AGAP1: variants seen among roughly 807,000 people sequenced by gnomAD.
AGAP1 encodes the protein ArfGAP with GTPase domain, ankyrin repeat and PH domain 1.
AGAP1 carries 29 observed loss-of-function variants against 105.3 expected under a neutral mutation model. The ratio of observed to expected loss-of-function variants is 0.28; its 90% CI spans 0.21 to 0.38. The LOEUF (loss-of-function observed/expected upper bound fraction) is 0.38, where lower values mean the gene tolerates loss of function less well. Ranked by LOEUF, AGAP1 falls within the 10% of genes least tolerant of loss-of-function variation. The pLI, the probability that AGAP1 is intolerant of heterozygous loss-of-function variation, is 1.00. For synonymous variants in AGAP1, 509 were observed against 485.9 expected, an observed-to-expected ratio of 1.05 and a Z score of -0.63; for missense variants, 998 against 1,165.1, an observed-to-expected ratio of 0.86 and a Z score of 2.09.
In AGAP1 at chr2:235,578,531, C is replaced by G. The variant is rs777524179; in HGVS notation, c.163+83682C>G. 1.6e-4 allele frequency among the ~76,000 whole-genome samples: 24 copies of G among 152,124 alleles called. No individual in the cohort carries two copies. The highest frequency in any genetic ancestry group is 2.8e-4 in the Non-Finnish European group (19 of 68,032). Reference sequence around the variant, plus strand: ...ACTGGACGCAGTGGCTTATGCCACCCCAGCACTTTGGGAGGCTGAGGCAGG... The same window carrying G: ...ACTGGACGCAGTGGCTTATGCCACCGCAGCACTTTGGGAGGCTGAGGCAGG... On this transcript the variant is annotated intron_variant, in intron 1 of 17. Coordinates refer to ENST00000304032, the MANE Select transcript of AGAP1 (RefSeq NM_001037131.3). The surrounding 1 kb of genome is among the most constrained non-coding windows in gnomAD (Gnocchi z 4.9).
intron 12 of AGAP1, among the ~76,000 whole-genome samples, chr2:235,952,899 C>T (rs150348955): frequency 3.0e-4 from 46 of 152,248 alleles, no homozygotes; most frequent in African/African-American, 1.1e-3. Context: ...TCAAAGCTGC[C>T]CTATGGGCTG....
intron 1 of AGAP1, among the ~76,000 whole-genome samples, chr2:235,629,269 TGTGTGTGTGTGTGTGTG>T (rs1222148266): frequency 5.8e-3 from 13 of 2,226 alleles, no homozygotes; most frequent in African/African-American, 0.011. Context: ...TAGTAGTCAT[TGTGTGTGTGTGTGTGTG>T]TGTGTGTGTG....
At chr2:235,707,001 G>A (rs963179989) in intron 1 of AGAP1, among the ~76,000 whole-genome samples, 8 of 152,254 alleles carry the variant, frequency 5.3e-5, no homozygotes, top group South Asian at 4.1e-4. Context: ...TCAGGCCCAC[G>A]CTAGTGCGTT....
At position 235,555,451 on chromosome 2, in the gene AGAP1, T is replaced by G. The variant is rs1943943482; in HGVS notation, c.163+60602T>G. Among the ~76,000 whole-genome samples, 1 of 152,050 alleles carries G rather than the reference T, an allele frequency of 6.6e-6. No homozygotes were observed. The highest frequency in any genetic ancestry group is 2.4e-5 in the African/African-American group (1 of 41,414). ...GGGTGGAGCTCAGGGAATAGGCATG[T>G]GGGGCACACTCTCCAGGCACATCCA... On this transcript the variant is annotated intron_variant, in intron 1 of 17. Coordinates refer to ENST00000304032, the MANE Select transcript of AGAP1 (RefSeq NM_001037131.3). This position sits in a 1 kb window ranked among gnomAD's most constrained non-coding sequence, Gnocchi z 5.1.
intron 6 of AGAP1, among the ~76,000 whole-genome samples, chr2:235,759,813 T>G (rs1270040009): frequency 1.3e-5 from 2 of 152,226 alleles, no homozygotes; most frequent in African/African-American, 4.8e-5. Context: ...CCAAAGAAGC[T>G]CTTTCTACAA....
chr2:235,922,854 A>G (rs1391551977), intron 11 of AGAP1, among the ~76,000 whole-genome samples: 1 of 152,246 alleles, frequency 6.6e-6, no homozygotes, highest in African/African-American at 2.4e-5. Flanking sequence ...AAAATAGCAT[A>G]TGGTGGAGGT....
chr2:235,982,674 G>A lies in AGAP1; in HGVS notation c.1645+14051G>A, dbSNP rs77208981. On this transcript the variant is annotated intron_variant, in intron 13 of 17. Coordinates refer to ENST00000304032, the MANE Select transcript of AGAP1 (RefSeq NM_001037131.3). The surrounding 1 kb of genome is among the most constrained non-coding windows in gnomAD (Gnocchi z 4.9). Reference sequence around the variant, plus strand: ...ACAGAAATACTTGCCCAGTCCGTTCGTGGAAGGAAAGAACCGAAGCCAGCC... The same window carrying A: ...ACAGAAATACTTGCCCAGTCCGTTCATGGAAGGAAAGAACCGAAGCCAGCC... Among the ~76,000 whole-genome samples the A allele has an allele frequency of 0.012, 1,842 of 152,326 alleles. 39 individuals are homozygous for A. The highest frequency in any genetic ancestry group is 0.042 in the African/African-American group (1,739 of 41,572).
At chr2:235,856,451 A>G (rs1275125448) in intron 9 of AGAP1, among the ~76,000 whole-genome samples, 2 of 152,264 alleles carry the variant, frequency 1.3e-5, no homozygotes, top group Non-Finnish European at 2.9e-5. Flanking sequence ...TGGGGCTGCC[A>G]TCAGGATCTG....
chr2:235,989,589 C>T lies in AGAP1; in HGVS notation c.1645+20966C>T, dbSNP rs552359511. 2.0e-5 allele frequency among the ~76,000 whole-genome samples: 3 copies of T among 152,222 alleles called. No homozygotes were observed. In the South Asian group the frequency reaches 6.2e-4, roughly 32 times the overall value. On this transcript the variant is annotated intron_variant, in intron 13 of 17. Transcript: ENST00000304032. The surrounding 1 kb of genome is among the most constrained non-coding windows in gnomAD (Gnocchi z 4.4). ...TGCAAGGAGGACATGAGGCCACATA[C>T]AAAGCTTAGGGCCACCCAGGAAGAT...
At chr2:235,558,934 T>C (rs530129326) in intron 1 of AGAP1, among the ~76,000 whole-genome samples, 11 of 152,318 alleles carry the variant, frequency 7.2e-5, no homozygotes, top group African/African-American at 2.6e-4. Flanking sequence ...TTGAAGATTT[T>C]TTTTTTTAGA....
intron 3 of AGAP1, among the ~76,000 whole-genome samples, chr2:235,731,217 G>A (rs1321186736): frequency 1.3e-5 from 2 of 152,248 alleles, no homozygotes; most frequent in East Asian, 1.9e-4. Flanking sequence ...GTGTAGTTGC[G>A]AAAAAGGAGC....
In AGAP1 at chr2:236,124,465, C is replaced by A; in HGVS notation, c.*343C>A. On this transcript the variant is annotated 3_prime_UTR_variant, in exon 18 of 18. Transcript: ENST00000304032. The surrounding 1 kb of genome is among the most constrained non-coding windows in gnomAD (Gnocchi z 5.1). ...ATGGGGACGCGAGGGGGAGGGGAGG[C>A]GAGGAACAAGGAGAAGGGGCAACTT... 2 of 313,162 alleles carry A rather than the reference C, an allele frequency of 6.4e-6. No homozygotes were observed. The highest frequency in any genetic ancestry group is 1.2e-5 in the Non-Finnish European group (2 of 166,344). The allele number at this position is 313,162 out of a possible 1,614,324, so 19.4% of individuals were successfully genotyped here.
chr2:235,643,431 CAAAAAAAAAAAAA>C (rs56146940), intron 1 of AGAP1, among the ~76,000 whole-genome samples: 109 of 61,424 alleles, frequency 1.8e-3, no homozygotes, highest in African/African-American at 5.1e-3. Context: ...GACTGGGTCT[CAAAAAAAAAAAAA>C]AAAAAAAAAA....
chr2:235,833,074 A>G (rs181306070), intron 9 of AGAP1, among the ~76,000 whole-genome samples: 1,967 of 152,322 alleles, frequency 0.013, 37 homozygotes, highest in South Asian at 0.082. Flanking sequence ...TGAGCCAGGG[A>G]GCATGGTAGA....
rs1018135651 is a variant in AGAP1 at position 235,549,302 on chromosome 2, C to T, written c.163+54453C>T. On this transcript the variant is annotated intron_variant, in intron 1 of 17. Coordinates refer to ENST00000304032, the MANE Select transcript of AGAP1 (RefSeq NM_001037131.3). The surrounding 1 kb of genome is among the most constrained non-coding windows in gnomAD (Gnocchi z 4.2). ...GACAGGGATGACTGGAGAGAGCTGG[C>T]GAGTGCAGCCTGCTGGGATGCCAGC... Among the ~76,000 whole-genome samples the T allele has an allele frequency of 1.1e-4, 16 of 152,276 alleles. No homozygotes were observed. Among genetic ancestry groups the T allele is most frequent in the East Asian group, 3.9e-4 (2 of 5,180 alleles).
At chr2:235,819,691 A>G (rs1361837852) in intron 9 of AGAP1, among the ~76,000 whole-genome samples, 1 of 151,354 alleles carries the variant, frequency 6.6e-6, no homozygotes, top group African/African-American at 2.4e-5. Context: ...CGATCTTGGG[A>G]TCTTGCTCTC....
intron 13 of AGAP1, among the ~76,000 whole-genome samples, chr2:236,029,375 A>G (rs948380875): frequency 1.5e-4 from 23 of 151,336 alleles, no homozygotes; most frequent in Non-Finnish European, 2.8e-4. Context: ...TCCCAGGTTC[A>G]AGTGATTCTC....
Position 235,747,524 on chromosome 2 carries a change from C to T in AGAP1, c.538+2685C>T, listed in dbSNP as rs996754201. On this transcript the variant is annotated intron_variant, in intron 5 of 17. Transcript: ENST00000304032. The surrounding 1 kb of genome is among the most constrained non-coding windows in gnomAD (Gnocchi z 5.0). ...CCCATGCCCTCCCTGCAGGACTCCT[C>T]TTAGCTGGGCCACCCCCAGATGAAC... Among the ~76,000 whole-genome samples the T allele has an allele frequency of 3.3e-5, 5 of 152,150 alleles. No homozygotes were observed. Among genetic ancestry groups the T allele is most frequent in the Non-Finnish European group, 7.3e-5 (5 of 68,042 alleles).
At chr2:235,854,005 C>G (rs769243647) in intron 9 of AGAP1, among the ~76,000 whole-genome samples, 25 of 151,818 alleles carry the variant, frequency 1.6e-4, no homozygotes, top group Non-Finnish European at 7.4e-5. Flanking sequence ...GTAAATATGT[C>G]CGTTCCAGGC....
Sources: allele counts gnomAD v4.1 joint callset (sites outside exome capture counted in the v4.1 genomes callset), GRCh38; gene constraint gnomAD v4.1.1; non-coding constraint Gnocchi (gnomAD v3.1); transcripts MANE v1.5; gene names NCBI Gene and HGNC (gene_info 2026-07-23, HGNC 2026-07-21).